Variants in GPATCH2 observed in about 807,000 individuals in gnomAD.
GPATCH2 encodes the protein G-patch domain containing 2, also known as G patch domain-containing protein 2.
In GPATCH2, 51 loss-of-function variants were observed where a neutral mutation model predicts 58.0. The observed-to-expected ratio is 0.88, with a 90% CI of 0.70 to 1.11. The LOEUF (loss-of-function observed/expected upper bound fraction) is 1.11, where lower values mean the gene tolerates loss of function less well. Among genes scored for constraint, GPATCH2 ranks in the 50% most tolerant of loss-of-function variants. The pLI is 0.00. For synonymous variants in GPATCH2, 222 were observed against 218.5 expected, an observed-to-expected ratio of 1.02 and a Z score of -0.14; for missense variants, 625 against 652.2, an observed-to-expected ratio of 0.96 and a Z score of 0.45.
intron 5 of GPATCH2, among the ~76,000 whole-genome samples, chr1:217,580,958 G>A (rs1391641708): frequency 2.5e-5 from 1 of 39,388 alleles, no homozygotes; most frequent in Non-Finnish European, 5.4e-5. Flanking sequence ...GCAGTGAGCC[G>A]AGATTGCGCC....
intron 5 of GPATCH2, among the ~76,000 whole-genome samples, chr1:217,574,321 G>C (rs769150847): frequency 3.9e-5 from 6 of 152,136 alleles, no homozygotes; most frequent in Non-Finnish European, 8.8e-5. Context: ...CAAAGCTGCC[G>C]TGGAAATTTA....
At position 217,428,057 on chromosome 1, in the gene GPATCH2, A is replaced by AT. The variant is rs1658393779; in HGVS notation, c.*3087_*3088insA. On this transcript the variant is annotated 3_prime_UTR_variant, in exon 10 of 10. Transcript: ENST00000366935. ...TGCCATATAGTTTAAAAATAAAAGT[A>AT]ACCAAATTAAATAGTGTATTCGGGG... 6.6e-6 allele frequency: 1 copy of AT among 152,206 alleles called. No homozygotes were observed. The highest frequency in any genetic ancestry group is 1.9e-4 in the East Asian group (1 of 5,202). The allele number at this position is 152,206 out of a possible 1,614,324, so 9.4% of individuals were successfully genotyped here.
intron 6 of GPATCH2, among the ~76,000 whole-genome samples, chr1:217,507,162 G>C (rs1662603450): frequency 6.6e-6 from 1 of 152,166 alleles, no homozygotes; most frequent in South Asian, 2.1e-4. Context: ...AATGACTTGA[G>C]ATACAGGATG....
chr1:217,460,001 T>C (rs537415704), intron 8 of GPATCH2, among the ~76,000 whole-genome samples: 1 of 152,270 alleles, frequency 6.6e-6, no homozygotes, highest in South Asian at 2.1e-4. Context: ...AAGTAGAGAA[T>C]ATATATATTT....
At chr1:217,484,373 T>C (rs536367704) in intron 8 of GPATCH2, among the ~76,000 whole-genome samples, 1 of 152,014 alleles carries the variant, frequency 6.6e-6, no homozygotes, top group East Asian at 1.9e-4. Flanking sequence ...CTCGAGTCTG[T>C]CGACTATCAG....
intron 5 of GPATCH2, chr1:217,609,972 A>G: frequency 7.6e-7 from 1 of 1,323,092 alleles, no homozygotes; most frequent in Non-Finnish European, 9.6e-7. Flanking sequence ...AAGCCTCCCC[A>G]GTCAGGTTCA....
intron 5 of GPATCH2, among the ~76,000 whole-genome samples, chr1:217,567,967 A>T (rs1346179966): frequency 6.6e-6 from 1 of 152,104 alleles, no homozygotes; most frequent in Non-Finnish European, 1.5e-5. Context: ...ATACAAAAAA[A>T]TTAGCCGAGC....
intron 6 of GPATCH2, among the ~76,000 whole-genome samples, chr1:217,510,497 A>T (rs1382594214): frequency 6.6e-6 from 1 of 151,258 alleles, no homozygotes; most frequent in East Asian, 1.9e-4. Context: ...GTAACAGCAA[A>T]CATAAAAAAT....
chr1:217,474,943 T>C (rs1660905327), intron 8 of GPATCH2, among the ~76,000 whole-genome samples: 1 of 152,050 alleles, frequency 6.6e-6, no homozygotes, highest in Non-Finnish European at 1.5e-5. Flanking sequence ...AAAATGCATA[T>C]AAATAAAAAA....
At chr1:217,525,768 T>C (rs1014763357) in intron 5 of GPATCH2, among the ~76,000 whole-genome samples, 2 of 152,128 alleles carry the variant, frequency 1.3e-5, no homozygotes, top group Non-Finnish European at 2.9e-5. Flanking sequence ...AAGATAATGG[T>C]GAGACTCAGC....
chr1:217,462,387 A>G (rs1344034571), intron 8 of GPATCH2, among the ~76,000 whole-genome samples: 1 of 152,170 alleles, frequency 6.6e-6, no homozygotes, highest in Non-Finnish European at 1.5e-5. Context: ...TTTGCACATA[A>G]ATCGATCTAC....
chr1:217,528,850 T>C (rs1664053779), intron 5 of GPATCH2, among the ~76,000 whole-genome samples: 1 of 152,128 alleles, frequency 6.6e-6, no homozygotes, highest in South Asian at 2.1e-4. Flanking sequence ...GTGAGGACTG[T>C]CTTGGGATTC....
intron 7 of GPATCH2, among the ~76,000 whole-genome samples, chr1:217,493,004 A>G (rs912946121): frequency 1.3e-5 from 2 of 152,170 alleles, no homozygotes; most frequent in Non-Finnish European, 2.9e-5. Flanking sequence ...TTAGATGATC[A>G]AGAATATGGT....
chr1:217,555,831 C>T (rs1214143145), intron 5 of GPATCH2, among the ~76,000 whole-genome samples: 1 of 152,164 alleles, frequency 6.6e-6, no homozygotes, highest in Non-Finnish European at 1.5e-5. Flanking sequence ...AGTTTATGAA[C>T]TTCTTTCATG....
chr1:217,527,367 G>A (rs1472635580), intron 5 of GPATCH2, among the ~76,000 whole-genome samples: 1 of 152,106 alleles, frequency 6.6e-6, no homozygotes, highest in Non-Finnish European at 1.5e-5. Flanking sequence ...GGTATGTATA[G>A]TCACCAGGTG....
At chr1:217,607,664 T>TG (rs1237386557) in intron 5 of GPATCH2, among the ~76,000 whole-genome samples, 1 of 152,202 alleles carries the variant, frequency 6.6e-6, no homozygotes, top group East Asian at 1.9e-4. Context: ...AACCTAACCC[T>TG]GTCTTTCCCT....
chr1:217,478,756 A>G (rs1661078432), intron 8 of GPATCH2, among the ~76,000 whole-genome samples: 1 of 152,224 alleles, frequency 6.6e-6, no homozygotes, highest in Admixed American at 6.5e-5. Context: ...AAAGATATCA[A>G]TATGTAAGTC....
At chr1:217,571,897 A>G (rs1446106468) in intron 5 of GPATCH2, among the ~76,000 whole-genome samples, 1 of 151,054 alleles carries the variant, frequency 6.6e-6, no homozygotes, top group Non-Finnish European at 1.5e-5. Flanking sequence ...GATTCTGAGA[A>G]ACAGAAAGAC....
chr1:217,618,408 A>G (rs1669003894), intron 2 of GPATCH2, among the ~76,000 whole-genome samples: 1 of 151,768 alleles, frequency 6.6e-6, no homozygotes, highest in Admixed American at 6.6e-5. Flanking sequence ...GGGTTTCACC[A>G]TACTGGTCTG....
Sources: allele counts gnomAD v4.1 joint callset (sites outside exome capture counted in the v4.1 genomes callset), GRCh38; gene constraint gnomAD v4.1.1; transcripts MANE v1.5; gene names NCBI Gene and HGNC (gene_info 2026-07-23, HGNC 2026-07-21).